The following ADGRV1 variants were observed in gnomAD, a reference collection of about 807,000 sequenced individuals.
ADGRV1 encodes the protein G-protein coupled receptor 98.
A neutral mutation model predicts 596.2 loss-of-function variants in ADGRV1; 359 were observed. That is an observed-to-expected ratio of 0.60 (90% CI 0.55 to 0.66). The LOEUF is 0.66. Among genes scored for constraint, ADGRV1 ranks in the 30% least tolerant of loss-of-function variants. The pLI, the probability that ADGRV1 is intolerant of heterozygous loss-of-function variation, is 0.00. For missense variants in ADGRV1, 7,274 were observed against 7,575.6 expected, an observed-to-expected ratio of 0.96 and a Z score of 1.48; for synonymous variants, 2,681 against 2,679.2, an observed-to-expected ratio of 1.00 and a Z score of -0.02.
At chr5:90,981,970 A>ATAG (rs2151033973) in intron 84 of ADGRV1, among the ~76,000 whole-genome samples, 1 of 149,772 alleles carries the variant, frequency 6.7e-6, no homozygotes, top group African/African-American at 2.5e-5. Flanking sequence ...ACCTGGATAA[A>ATAG]TTACTTACTT....
At chr5:90,782,060 A>G (rs1210401900) in intron 65 of ADGRV1, among the ~76,000 whole-genome samples, 1 of 152,190 alleles carries the variant, frequency 6.6e-6, no homozygotes, top group South Asian at 2.1e-4. Flanking sequence ...TTCCTCTTGT[A>G]GAAGCAGAAT....
chr5:90,627,594 G>A lies in ADGRV1; in HGVS notation c.1056G>A (p.Pro352=), dbSNP rs115239207. 2.2e-4 allele frequency: 347 copies of A among 1,613,770 alleles called. 1 individual carries two copies. Among genetic ancestry groups the A allele is most frequent in the Middle Eastern group, 1.7e-3 (10 of 6,058 alleles). ...LKFQIVDDTI[P]EIAESFHIML... ...TTCAAATAGTTGATGACACCATACC[G>A]GAGATTGCTGAATCGTTTCACATTA... The change falls in exon 7 of 90, where the codon CCG becomes CCA. Residue 352 remains proline, a synonymous_variant. Transcript: ENST00000405460.
chr5:90,813,165 T>G lies in ADGRV1; in HGVS notation c.16078+1827T>G. On this transcript the variant is annotated intron_variant, in intron 74 of 89. Coordinates refer to ENST00000405460, the MANE Select transcript of ADGRV1 (RefSeq NM_032119.4). ...AAAAAAAAAAAAAAAAAAAAAAAAA[T>G]TTATTTGGCAGTCAGCATCCTCCTT... 1.2e-4 allele frequency among the ~76,000 whole-genome samples: 3 copies of G among 24,380 alleles called. 1 individual carries two copies. Among genetic ancestry groups the G allele is most frequent in the Non-Finnish European group, 4.2e-4 (3 of 7,132 alleles). The allele number at this position is 24,380 out of a possible 152,430, so 16.0% of individuals were successfully genotyped here. A position where few individuals can be genotyped will look rare whatever the true frequency, so the allele number is the denominator to read the frequency against.
intron 83 of ADGRV1, among the ~76,000 whole-genome samples, chr5:90,882,719 A>AGG (rs1195857857): frequency 2.0e-5 from 3 of 152,212 alleles, no homozygotes; most frequent in African/African-American, 7.2e-5. Context: ...TAAAGGAACT[A>AGG]GGGCATATGG....
At chr5:90,726,590 T>C (rs10070074) in intron 48 of ADGRV1, among the ~76,000 whole-genome samples, 65,353 of 151,822 alleles carry the variant, frequency 0.43, 15,096 homozygotes, top group African/African-American at 0.57. Context: ...TCCTCAAATA[T>C]AAATCTTACC....
intron 59 of ADGRV1, among the ~76,000 whole-genome samples, chr5:90,773,666 G>A (rs1757926673): frequency 6.6e-6 from 1 of 152,122 alleles, no homozygotes; most frequent in African/African-American, 2.4e-5. Context: ...TGTGAATTAG[G>A]CCCTTTACTG....
chr5:90,563,218 G>A (rs1037751593), intron 1 of ADGRV1, among the ~76,000 whole-genome samples: 2 of 152,214 alleles, frequency 1.3e-5, no homozygotes, highest in African/African-American at 4.8e-5. Flanking sequence ...TCCCCTGTCT[G>A]TCTTCAGTTT....
intron 83 of ADGRV1, among the ~76,000 whole-genome samples, chr5:90,946,504 T>C (rs895557914): frequency 6.6e-6 from 1 of 152,172 alleles, no homozygotes; most frequent in Admixed American, 6.5e-5. Flanking sequence ...ACACGTAGGT[T>C]TGTTACGTAG....
In ADGRV1 at chr5:90,908,185, A is replaced by G. The variant is rs549802247; in HGVS notation, c.17856+44328A>G. ...CAGTAAATTAATGTTACGATAATCC[A>G]TACATGGATAGATTATACTTTTTTA... On this transcript the variant is annotated intron_variant, in intron 83 of 89. Transcript: ENST00000405460. Among the ~76,000 whole-genome samples, 172 of 152,264 alleles carry G rather than the reference A, an allele frequency of 1.1e-3. 1 individual carries two copies. The highest frequency in any genetic ancestry group is 3.9e-3 in the African/African-American group (164 of 41,550).
At chr5:90,645,245 T>C (rs921459628) in intron 15 of ADGRV1, among the ~76,000 whole-genome samples, 1 of 152,238 alleles carries the variant, frequency 6.6e-6, no homozygotes, top group Admixed American at 6.5e-5. Flanking sequence ...ACATGGCATT[T>C]CTTCTTACAG....
At chr5:91,121,425 C>T (rs1793306162) in intron 87 of ADGRV1, among the ~76,000 whole-genome samples, 1 of 151,890 alleles carries the variant, frequency 6.6e-6, no homozygotes, top group Admixed American at 6.6e-5. Flanking sequence ...ATGGAGACAA[C>T]AGGCTATTTT....
intron 75 of ADGRV1, among the ~76,000 whole-genome samples, chr5:90,818,883 GGTT>G (rs1763184327): frequency 6.7e-6 from 1 of 148,460 alleles, no homozygotes. Context: ...TCTCTTTTTT[GGTT>G]GTGTCTCTGC....
chr5:90,863,220 A>G (rs970774389), intron 82 of ADGRV1, among the ~76,000 whole-genome samples: 3 of 152,232 alleles, frequency 2.0e-5, no homozygotes, highest in South Asian at 4.1e-4. Context: ...GCAAGATAAA[A>G]GATTTGTTGG....
At chr5:90,695,558 A>G (rs910260811) in intron 33 of ADGRV1, among the ~76,000 whole-genome samples, 6 of 152,138 alleles carry the variant, frequency 3.9e-5, no homozygotes, top group Admixed American at 2.6e-4. Flanking sequence ...AAATGCAGGA[A>G]AGAAACTTTG....
chr5:90,741,527 A>G (rs1330327240), intron 50 of ADGRV1, among the ~76,000 whole-genome samples: 1 of 152,106 alleles, frequency 6.6e-6, no homozygotes, highest in Non-Finnish European at 1.5e-5. Context: ...TGTCTCCTTG[A>G]GTCACTTATT....
chr5:90,865,171 A>C (rs1219941650), intron 83 of ADGRV1, among the ~76,000 whole-genome samples: 1 of 152,124 alleles, frequency 6.6e-6, no homozygotes, highest in Non-Finnish European at 1.5e-5. Flanking sequence ...AGCTATGAGA[A>C]GTAGCAGTGG....
intron 85 of ADGRV1, among the ~76,000 whole-genome samples, chr5:91,004,069 T>C (rs1454298698): frequency 1.3e-5 from 2 of 152,142 alleles, no homozygotes; most frequent in African/African-American, 2.4e-5. Context: ...GTTACAGTAT[T>C]AGAAAAAGGA....
At chr5:90,710,201 G>A (rs559870650) in intron 39 of ADGRV1, among the ~76,000 whole-genome samples, 1 of 152,200 alleles carries the variant, frequency 6.6e-6, no homozygotes, top group Admixed American at 6.5e-5. Flanking sequence ...CTAGACTAAG[G>A]TAGCACCTCT....
At chr5:90,933,179 G>A (rs911838798) in intron 83 of ADGRV1, among the ~76,000 whole-genome samples, 1 of 151,936 alleles carries the variant, frequency 6.6e-6, no homozygotes, top group South Asian at 2.1e-4. Flanking sequence ...TTTTGTTTAC[G>A]GCAATGAACA....
Sources: allele counts gnomAD v4.1 joint callset (sites outside exome capture counted in the v4.1 genomes callset), GRCh38; gene constraint gnomAD v4.1.1; transcripts MANE v1.5; gene names NCBI Gene and HGNC (gene_info 2026-07-23, HGNC 2026-07-21).